GFRA1: variants seen among roughly 807,000 people sequenced by gnomAD.
GFRA1 encodes the protein GDNF family receptor alpha 1.
In GFRA1, 16 loss-of-function variants were observed where a neutral mutation model predicts 51.6. That is an observed-to-expected ratio of 0.31 (90% confidence interval 0.21 to 0.47). GFRA1 has a LOEUF of 0.47. Among genes scored for constraint, GFRA1 ranks in the 20% least tolerant of loss-of-function variants. GFRA1 has a pLI of 1.00. For missense variants in GFRA1, 530 were observed against 594.3 expected, an observed-to-expected ratio of 0.89 and a Z score of 1.13; for synonymous variants, 270 against 241.3, an observed-to-expected ratio of 1.12 and a Z score of -1.10.
chr10:116,261,698 T>C (rs1012872797), intron 4 of GFRA1, among the ~76,000 whole-genome samples: 19 of 152,314 alleles, frequency 1.2e-4, no homozygotes, highest in African/African-American at 4.6e-4. Flanking sequence ...TTGGCATGAA[T>C]AAAATGCTAG....
intron 6 of GFRA1, among the ~76,000 whole-genome samples, chr10:116,102,342 C>A (rs1208562370): frequency 6.6e-6 from 1 of 152,146 alleles, no homozygotes; most frequent in Non-Finnish European, 1.5e-5. Flanking sequence ...GAATGTATTG[C>A]AAGAGCACAG....
rs529928409 is a variant in GFRA1, at chr10:116,091,845, G to C, written c.1015+1857C>G. Among the ~76,000 whole-genome samples the C allele has an allele frequency of 2.0e-5, 3 of 152,178 alleles. No individual in the cohort carries two copies. In the East Asian group the frequency reaches 5.8e-4, roughly 30 times the overall value. ...ACTGTGAAAAATTCTGGCTGGCTTT[G>C]GCCCCTGATGCAGACAAAATGCATT... is the stretch of plus-strand genomic sequence containing the variant. On this transcript the variant is annotated intron_variant, in intron 8 of 10. Coordinates refer to ENST00000355422, the MANE Select transcript of GFRA1 (RefSeq NM_005264.8).
chr10:116,240,050 A>C (rs1157112948), intron 4 of GFRA1, among the ~76,000 whole-genome samples: 2 of 152,054 alleles, frequency 1.3e-5, no homozygotes, highest in Admixed American at 6.6e-5. Flanking sequence ...GTGTTCGTCG[A>C]TTTCTCTATG....
intron 5 of GFRA1, among the ~76,000 whole-genome samples, chr10:116,135,718 T>A (rs1255319462): frequency 6.6e-6 from 1 of 152,206 alleles, no homozygotes; most frequent in Non-Finnish European, 1.5e-5. Context: ...GAAAATGTAT[T>A]GTGACATGTG....
intron 9 of GFRA1, 31 bp downstream of exon 9, chr10:116,089,710 C>A (rs1399836793): frequency 6.3e-7 from 1 of 1,591,536 alleles, no homozygotes; most frequent in Non-Finnish European, 8.6e-7. Context: ...AGGAAGGGAG[C>A]CCCAGCAAGG....
At chr10:116,107,373 G>C (rs891525338) in intron 6 of GFRA1, among the ~76,000 whole-genome samples, 1 of 152,122 alleles carries the variant, frequency 6.6e-6, no homozygotes, top group African/African-American at 2.4e-5. Context: ...AATTCCCTTA[G>C]AATTCATCAA....
At chr10:116,266,657 A>C (rs1969679126) in intron 4 of GFRA1, among the ~76,000 whole-genome samples, 1 of 152,204 alleles carries the variant, frequency 6.6e-6, no homozygotes, top group Non-Finnish European at 1.5e-5. Context: ...CAGGGCTCAC[A>C]AACTCCAGAT....
chr10:116,143,139 T>A (rs1477610469), intron 5 of GFRA1, among the ~76,000 whole-genome samples: 2 of 152,184 alleles, frequency 1.3e-5, no homozygotes, highest in African/African-American at 4.8e-5. Flanking sequence ...CGATCCCAGC[T>A]TTGTCCCTAC....
chr10:116,091,821 CTG>C (rs1216692427), intron 8 of GFRA1, among the ~76,000 whole-genome samples: 1 of 152,140 alleles, frequency 6.6e-6, no homozygotes, highest in Non-Finnish European at 1.5e-5. Context: ...AATGGAATGA[CTG>C]TGAAAAATTC....
chr10:116,064,803 C>A (rs1955019707), intron 10 of GFRA1, among the ~76,000 whole-genome samples: 1 of 152,182 alleles, frequency 6.6e-6, no homozygotes, highest in African/African-American at 2.4e-5. Flanking sequence ...TTATTAAATT[C>A]ATTTTGGGGG....
chr10:116,080,230 C>A (rs1955790981), intron 9 of GFRA1, among the ~76,000 whole-genome samples: 1 of 152,220 alleles, frequency 6.6e-6, no homozygotes, highest in Non-Finnish European at 1.5e-5. Context: ...AATCCGCAAA[C>A]ACCCCAGGAA....
chr10:116,152,003 A>G (rs1467107111), intron 5 of GFRA1, among the ~76,000 whole-genome samples: 2 of 152,062 alleles, frequency 1.3e-5, no homozygotes, highest in Non-Finnish European at 2.9e-5. Context: ...GGGCAGGGAA[A>G]AGCTTGGTGA....
rs558950020 is a variant in GFRA1, at chr10:116,229,228, T to C, written c.419-17583A>G. Among the ~76,000 whole-genome samples the C allele has an allele frequency of 3.3e-5, 5 of 152,154 alleles. No homozygotes were observed. The East Asian group carries it at 9.7e-4, about 29-fold the overall frequency. ...AGCAGTAGGAAATTAATACACTGGTTATACACAACCAAACAGTGGGGTGGT... is the reference window on the plus strand; with the variant it reads ...AGCAGTAGGAAATTAATACACTGGTCATACACAACCAAACAGTGGGGTGGT... On this transcript the variant is annotated intron_variant, in intron 4 of 10. Coordinates refer to ENST00000355422, the MANE Select transcript of GFRA1 (RefSeq NM_005264.8).
At chr10:116,237,627 C>A in intron 4 of GFRA1, among the ~76,000 whole-genome samples, 1 of 148,078 alleles carries the variant, frequency 6.8e-6, no homozygotes. Context: ...TTCTTCGATA[C>A]TTCCTGTTCT....
At chr10:116,076,440 A>G (rs1470886634) in intron 9 of GFRA1, among the ~76,000 whole-genome samples, 1 of 152,178 alleles carries the variant, frequency 6.6e-6, no homozygotes, top group Admixed American at 6.5e-5. Flanking sequence ...AGAAACAAAA[A>G]AAAAGGAAGC....
chr10:116,231,894 C>T (rs1225388839), intron 4 of GFRA1, among the ~76,000 whole-genome samples: 2 of 152,176 alleles, frequency 1.3e-5, no homozygotes, highest in African/African-American at 2.4e-5. Flanking sequence ...GCACTTCCTT[C>T]GGCAAGTAGG....
At chr10:116,168,727 G>A (rs1960742079) in intron 5 of GFRA1, among the ~76,000 whole-genome samples, 1 of 152,148 alleles carries the variant, frequency 6.6e-6, no homozygotes, top group Non-Finnish European at 1.5e-5. Context: ...CAGAGGCCAT[G>A]GGCTCTGCTG....
chr10:116,166,796 TTTTTTTTTTTTTTTTTTTG>T (rs1162509297), intron 5 of GFRA1, among the ~76,000 whole-genome samples: 58 of 86,504 alleles, frequency 6.7e-4, no homozygotes, highest in Non-Finnish European at 1.3e-3. Flanking sequence ...TTTTTTTTTT[TTTTTTTTTTTTTTTTTTTG>T]TTGAGACGGA....
At chr10:116,118,983 A>G (rs1386664955) in intron 6 of GFRA1, among the ~76,000 whole-genome samples, 1 of 152,152 alleles carries the variant, frequency 6.6e-6, no homozygotes, top group African/African-American at 2.4e-5. Flanking sequence ...CAACAGAGAG[A>G]TAATGAATGA....
Sources: allele counts gnomAD v4.1 joint callset (sites outside exome capture counted in the v4.1 genomes callset), GRCh38; gene constraint gnomAD v4.1.1; transcripts MANE v1.5; gene names NCBI Gene and HGNC (gene_info 2026-07-23, HGNC 2026-07-21).